Variants in FOCAD observed in about 807,000 individuals in gnomAD.
The protein encoded by FOCAD is focadhesin.
Under a neutral mutation model 225.6 loss-of-function variants are expected in FOCAD, and 198 were observed. The observed-to-expected ratio is 0.88, with a 90% CI of 0.78 to 0.99. The LOEUF is 0.99. Among genes scored for constraint, FOCAD ranks in the 50% least tolerant of loss-of-function variants. The pLI, the probability that FOCAD is intolerant of heterozygous loss-of-function variation, is 0.00. For synonymous variants in FOCAD, 897 were observed against 755.0 expected (o/e 1.19, Z -3.08); for missense variants, 2,713 against 2,123.6 (o/e 1.28, Z -5.46).
chr9:20,807,252 G>C (rs369330063), intron 11 of FOCAD, among the ~76,000 whole-genome samples: 1 of 152,222 alleles, frequency 6.6e-6, no homozygotes, highest in Non-Finnish European at 1.5e-5. Context: ...TAGATGACAT[G>C]TTCCTTGCCC....
chr9:20,948,544 C>A, intron 31 of FOCAD, 151 bp downstream of exon 31: 1 of 891,924 alleles, frequency 1.1e-6, no homozygotes, highest in Non-Finnish European at 1.6e-6. Flanking sequence ...TTTTAAATCC[C>A]TTATAAATAA....
At chr9:20,907,493 T>C (rs1287651482) in intron 22 of FOCAD, among the ~76,000 whole-genome samples, 1 of 152,042 alleles carries the variant, frequency 6.6e-6, no homozygotes, top group African/African-American at 2.4e-5. Flanking sequence ...TCCTGCTGCC[T>C]TCTGGACATC....
chr9:20,976,480 G>T lies in FOCAD; in HGVS notation c.4193G>T (p.Gly1398Val). Residue 1398 changes from glycine (G) to valine (V), a missense_variant, in exon 36 of 44, where the codon GGA becomes GTA. Gly to Val is a moderately radical substitution (Grantham distance 109). Transcript: ENST00000338382. ...KVVMKPIATV[G>V]ESYQYPPVNW... is the part of the protein sequence containing the mutation. ...GTGATGAAACCCATAGCAACTGTTG[G>T]AGAAAGCTACCAATATCCTCCTGTG... The T allele has an allele frequency of 6.2e-7, 1 of 1,613,330 alleles. No individual in the cohort carries two copies. Among genetic ancestry groups the T allele is most frequent in the South Asian group, 1.1e-5 (1 of 91,068 alleles).
intron 1 of FOCAD, among the ~76,000 whole-genome samples, chr9:20,698,590 A>C (rs1007658076): frequency 1.3e-5 from 2 of 151,936 alleles, no homozygotes; most frequent in African/African-American, 2.4e-5. Context: ...TGTAGAGATG[A>C]GGTCTCACTA....
At chr9:20,665,457 T>G (rs769477979) in intron 2 of FOCAD, among the ~76,000 whole-genome samples, 2 of 152,174 alleles carry the variant, frequency 1.3e-5, no homozygotes, top group Non-Finnish European at 2.9e-5. Context: ...ATAAAAAGAT[T>G]AGTGATTTCA....
intron 11 of FOCAD, among the ~76,000 whole-genome samples, chr9:20,811,711 TC>T (rs1258002095): frequency 6.6e-6 from 1 of 152,050 alleles, no homozygotes; most frequent in African/African-American, 2.4e-5. Flanking sequence ...AGCACTTCTG[TC>T]AATAAACTTC....
rs568533844 is a variant in FOCAD, at chr9:20,710,324, G to A, written c.-32-4998G>A. On this transcript the variant is annotated intron_variant, in intron 1 of 43. Transcript: ENST00000338382. Reference sequence around the variant, plus strand: ...CTTAAAAAGTAATATTACTGGGCACGGTGGCTCACACCTGTAATCGCAGCA... The same window carrying A: ...CTTAAAAAGTAATATTACTGGGCACAGTGGCTCACACCTGTAATCGCAGCA... 8.8e-5 allele frequency among the ~76,000 whole-genome samples: 13 copies of A among 148,372 alleles called. No homozygotes were observed. The South Asian group carries it at 2.6e-3, about 29-fold the overall frequency.
upstream of FOCAD, among the ~76,000 whole-genome samples, chr9:20,656,005 T>C (rs1265917634): frequency 3.9e-5 from 6 of 152,056 alleles, no homozygotes; most frequent in Non-Finnish European, 7.4e-5. Flanking sequence ...TCAAAGAACA[T>C]CTTTATTTCT....
chr9:20,810,797 A>G (rs1257184077), intron 11 of FOCAD, among the ~76,000 whole-genome samples: 1 of 151,982 alleles, frequency 6.6e-6, no homozygotes, highest in African/African-American at 2.4e-5. Context: ...GGTCGTGGCT[A>G]TTTTCTTCTA....
chr9:20,691,190 G>A (rs992612919), intron 1 of FOCAD, among the ~76,000 whole-genome samples: 7 of 152,114 alleles, frequency 4.6e-5, no homozygotes, highest in African/African-American at 1.7e-4. Flanking sequence ...TGATCCACCT[G>A]CCTTGGCCTC....
At chr9:20,764,375 T>A (rs1829875330) in intron 6 of FOCAD, among the ~76,000 whole-genome samples, 1 of 152,186 alleles carries the variant, frequency 6.6e-6, no homozygotes, top group Admixed American at 6.5e-5. Flanking sequence ...TGCCTCAGCC[T>A]CCTGAGTAGC....
chr9:20,705,924 G>GTTTTTTT (rs59407171), intron 1 of FOCAD, among the ~76,000 whole-genome samples: 1 of 106,916 alleles, frequency 9.4e-6, no homozygotes, highest in Non-Finnish European at 1.9e-5. Context: ...TCAGTTTTAA[G>GTTTTTTT]TTTTTTTTTT....
intron 11 of FOCAD, among the ~76,000 whole-genome samples, chr9:20,790,562 A>G (rs1023019546): frequency 6.6e-6 from 1 of 152,216 alleles, no homozygotes; most frequent in African/African-American, 2.4e-5. Flanking sequence ...ACTTGAGGTC[A>G]AGAGTTCGAG....
rs563531943 is a variant in FOCAD at position 20,791,219 on chromosome 9, G to GCACA, written c.1455+1625_1455+1628dup. Among the ~76,000 whole-genome samples, 15 of 106,718 alleles carry GCACA rather than the reference G, an allele frequency of 1.4e-4. No individual in the cohort carries two copies. The East Asian group carries it at 2.2e-3, about 16-fold the overall frequency. The allele number at this position is 106,718 out of a possible 152,430, so 70.0% of individuals were successfully genotyped here. A position where few individuals can be genotyped will look rare whatever the true frequency, so the allele number is the denominator to read the frequency against. Reference sequence around the variant, plus strand: ...ATATTGCATCTATATATATATGCATGCACACACACACACACACTCACACAC... The same window carrying GCACA: ...ATATTGCATCTATATATATATGCATGCACACACACACACACACACACTCACACAC... On this transcript the variant is annotated intron_variant, in intron 11 of 43. Transcript: ENST00000338382.
At chr9:20,892,498 G>T (rs1172716339) in intron 21 of FOCAD, among the ~76,000 whole-genome samples, 1 of 152,208 alleles carries the variant, frequency 6.6e-6, no homozygotes, top group African/African-American at 2.4e-5. Context: ...ACCTTGAGGG[G>T]TTCAAGATTT....
intron 2 of FOCAD, among the ~76,000 whole-genome samples, chr9:20,663,795 C>T (rs1821813771): frequency 1.3e-5 from 2 of 152,180 alleles, no homozygotes; most frequent in South Asian, 2.1e-4. Flanking sequence ...TTCTCTAAAA[C>T]ACATTTTCTG....
At chr9:20,933,149 C>T in intron 28 of FOCAD, 46 bp downstream of exon 28, 1 of 1,277,582 alleles carries the variant, frequency 7.8e-7, no homozygotes, top group Non-Finnish European at 1.1e-6. Flanking sequence ...AGACATTGCT[C>T]CCTACACTGC....
At chr9:20,932,336 A>G (rs901241032) in intron 27 of FOCAD, among the ~76,000 whole-genome samples, 1 of 152,196 alleles carries the variant, frequency 6.6e-6, no homozygotes, top group African/African-American at 2.4e-5. Context: ...AAGTAGCAAT[A>G]TGAGAGTTAA....
chr9:20,825,679 T>C (rs1435566528), intron 15 of FOCAD, among the ~76,000 whole-genome samples: 1 of 152,150 alleles, frequency 6.6e-6, no homozygotes, highest in African/African-American at 2.4e-5. Context: ...GTAGTGCTTT[T>C]TTCACCCTTA....
Sources: allele counts gnomAD v4.1 joint callset (sites outside exome capture counted in the v4.1 genomes callset), GRCh38; gene constraint gnomAD v4.1.1; transcripts MANE v1.5; gene names NCBI Gene and HGNC (gene_info 2026-07-23, HGNC 2026-07-21).